LRP2: variants seen among roughly 807,000 people sequenced by gnomAD.
LRP2 encodes the protein low-density lipoprotein receptor-related protein 2.
Under a neutral mutation model 531.0 loss-of-function variants are expected in LRP2, and 172 were observed. The observed-to-expected ratio is 0.32, with a 90% CI of 0.29 to 0.37. The LOEUF is 0.37. Among genes scored for constraint, LRP2 ranks in the 10% least tolerant of loss-of-function variants. LRP2 has a pLI of 1.00. For missense variants in LRP2, 5,167 were observed against 5,868.3 expected (o/e 0.88, Z 3.90); for synonymous variants, 1,992 against 2,027.6 (o/e 0.98, Z 0.47).
chr2:169,147,993 G>A (rs1685979493), intron 68 of LRP2, among the ~76,000 whole-genome samples: 1 of 152,036 alleles, frequency 6.6e-6, no homozygotes, highest in Non-Finnish European at 1.5e-5. Context: ...TATGTCCTAT[G>A]GGCCATATTT....
At chr2:169,302,256 A>G (rs1202027612) in intron 4 of LRP2, among the ~76,000 whole-genome samples, 1 of 152,182 alleles carries the variant, frequency 6.6e-6, no homozygotes, top group Non-Finnish European at 1.5e-5. Flanking sequence ...AAAATAACTA[A>G]GTACTGCTAT....
chr2:169,358,443 C>A (rs1388091715), intron 1 of LRP2, among the ~76,000 whole-genome samples: 1 of 152,046 alleles, frequency 6.6e-6, no homozygotes, highest in Admixed American at 6.5e-5. Flanking sequence ...GAGACAGGTG[C>A]ATGACTGAAG....
chr2:169,274,678 G>A (rs1461916053), intron 14 of LRP2, among the ~76,000 whole-genome samples: 3 of 152,054 alleles, frequency 2.0e-5, no homozygotes, highest in African/African-American at 7.2e-5. Flanking sequence ...TTCCTTAACT[G>A]TAATATTAGA....
At chr2:169,172,563 CTA>C (rs1170152683) in intron 57 of LRP2, among the ~76,000 whole-genome samples, 2 of 152,200 alleles carry the variant, frequency 1.3e-5, no homozygotes, top group Non-Finnish European at 2.9e-5. Flanking sequence ...TCAAGTTAGA[CTA>C]TGACTAATCT....
chr2:169,202,526 A>AT (rs1427245181), intron 43 of LRP2, among the ~76,000 whole-genome samples: 6 of 152,204 alleles, frequency 3.9e-5, no homozygotes, highest in Non-Finnish European at 5.9e-5. Flanking sequence ...TCCCAGGTCT[A>AT]TACAGATTAC....
Position 169,307,326 on chromosome 2 carries a change from C to A in LRP2, c.382G>T (p.Asp128Tyr). ...CCATCGGGGCAGTCTCTGACGTGGT[C>A]GCACCTGTATTCACTTGGGATACAC... ...GQCIPSEYRC[D>Y]HVRDCPDGAD... The change falls in exon 4 of 79, where the codon GAC (aspartate) becomes TAC (tyrosine). Residue 128 changes from aspartate to tyrosine, a missense_variant. Asp to Tyr is a radical substitution (Grantham distance 160, BLOSUM62 -3). Coordinates refer to ENST00000649046, the MANE Select transcript of LRP2 (RefSeq NM_004525.3). 1 of 1,614,004 alleles carries A rather than the reference C, an allele frequency of 6.2e-7. No individual in the cohort carries two copies. The highest frequency in any genetic ancestry group is 8.5e-7 in the Non-Finnish European group (1 of 1,179,922).
At chr2:169,185,463 T>A (rs1559002362) in intron 50 of LRP2, 40 bp downstream of exon 50, 11 of 1,602,360 alleles carry the variant, frequency 6.9e-6, no homozygotes, top group South Asian at 4.4e-5. Flanking sequence ...TAGAATTTTT[T>A]AATTTTTAAC....
chr2:169,294,581 T>A lies in LRP2; in HGVS notation c.538+19A>T, dbSNP rs2105472858. ...ACCAGCTTCAGCACACAACTGCACA[T>A]CTTGTGCACAATACTTACTGCAGTT... On this transcript the variant is annotated intron_variant, in intron 5 of 78. Coordinates refer to ENST00000649046, the MANE Select transcript of LRP2 (RefSeq NM_004525.3). 5 of 1,536,252 alleles carry A rather than the reference T, an allele frequency of 3.3e-6. No homozygotes were observed.
intron 31 of LRP2, among the ~76,000 whole-genome samples, chr2:169,231,016 A>G (rs1415444719): frequency 2.0e-5 from 3 of 152,218 alleles, no homozygotes; most frequent in Admixed American, 1.3e-4. Flanking sequence ...CAATGGAGCC[A>G]GGTGCAGTGG....
chr2:169,294,721 A>T lies in LRP2; in HGVS notation c.428-11T>A. On this transcript the variant is annotated splice_polypyrimidine_tract_variant and intron_variant, in intron 4 of 78. Coordinates refer to ENST00000649046, the MANE Select transcript of LRP2 (RefSeq NM_004525.3). Reference sequence around the variant, plus strand: ...CACATGTTGGGTACTCTATTGTAAAAAAAAAAAAAAAAAAAAAAAGGAAAA... The same window carrying T: ...CACATGTTGGGTACTCTATTGTAAATAAAAAAAAAAAAAAAAAAAGGAAAA... 1.1e-5 allele frequency: 4 copies of T among 366,120 alleles called. No homozygotes were observed. The highest frequency in any genetic ancestry group is 1.3e-5 in the Non-Finnish European group (3 of 226,486). 22.7% of individuals were successfully genotyped at this position (366,120 alleles called of 1,614,324 possible).
In LRP2 at chr2:169,362,492, CT is replaced by C; in HGVS notation, c.-94del. ...GCAGCGCCTCTGCTAGCGAACGCTC[CT>C]TTAGGTCTGCACCTCCGCCAGCTCC... is the stretch of plus-strand genomic sequence containing the variant. On this transcript the variant is annotated 5_prime_UTR_variant, in exon 1 of 79. Transcript: ENST00000649046. The C allele has an allele frequency of 8.7e-7, 1 of 1,144,170 alleles. No individual in the cohort carries two copies. Among genetic ancestry groups the C allele is most frequent in the East Asian group, 2.6e-5 (1 of 38,968 alleles). 70.9% of individuals were successfully genotyped at this position (1,144,170 alleles called of 1,614,324 possible).
At chr2:169,142,029 G>A (rs1030078487) in intron 71 of LRP2, among the ~76,000 whole-genome samples, 2 of 152,172 alleles carry the variant, frequency 1.3e-5, no homozygotes, top group African/African-American at 4.8e-5. Flanking sequence ...CCAAGGATGT[G>A]AGCCATAAAA....
In LRP2 at chr2:169,150,936, C is replaced by T. The variant is rs1236951157; in HGVS notation, c.12552G>A (p.Leu4184=). The change falls in exon 68 of 79, where the codon CTG becomes CTA. Residue 4184 remains leucine (L), a synonymous_variant. Transcript: ENST00000649046. The part of the protein sequence containing the change: ...RYRKWLISTD[L]DQPAAIAVNP... Reference sequence around the variant, plus strand: ...TCACAGCAATAGCAGCTGGTTGGTCCAGGTCAGTGGAAATCAGCCACTTTC... The same window carrying T: ...TCACAGCAATAGCAGCTGGTTGGTCTAGGTCAGTGGAAATCAGCCACTTTC... 1 of 1,613,958 alleles carries T rather than the reference C, an allele frequency of 6.2e-7. No individual in the cohort carries two copies. Among genetic ancestry groups the T allele is most frequent in the African/African-American group, 1.3e-5 (1 of 74,914 alleles).
chr2:169,157,919 A>AATAG, intron 63 of LRP2, among the ~76,000 whole-genome samples: 1 of 114,778 alleles, frequency 8.7e-6, no homozygotes, highest in Non-Finnish European at 1.8e-5. Flanking sequence ...AACAGATAGA[A>AATAG]ATAAATAAAT....
intron 19 of LRP2, among the ~76,000 whole-genome samples, chr2:169,248,850 T>C (rs1235370871): frequency 4.9e-5 from 6 of 123,504 alleles, no homozygotes; most frequent in African/African-American, 1.0e-4. Context: ...GGAGTTCCCT[T>C]TCCGAGTCAA....
chr2:169,189,017 AC>A (rs1353682108), intron 48 of LRP2, among the ~76,000 whole-genome samples: 1 of 152,174 alleles, frequency 6.6e-6, no homozygotes, highest in Non-Finnish European at 1.5e-5. Flanking sequence ...TCGGGACCTA[AC>A]ATACACAGGC....
At chr2:169,260,619 T>C (rs1186992052) in intron 16 of LRP2, among the ~76,000 whole-genome samples, 1 of 152,044 alleles carries the variant, frequency 6.6e-6, no homozygotes, top group East Asian at 1.9e-4. Context: ...AGAACTTGCA[T>C]AGAGATTTTT....
chr2:169,130,253 A>G (rs1685235460), intron 77 of LRP2, among the ~76,000 whole-genome samples: 1 of 151,284 alleles, frequency 6.6e-6, no homozygotes, highest in African/African-American at 2.4e-5. Context: ...TCCTATGCAT[A>G]TCAATGTAAC....
In LRP2 at chr2:169,139,543, T is replaced by C. The variant is rs952438444; in HGVS notation, c.13267A>G (p.Thr4423Ala). 6.8e-6 allele frequency: 11 copies of C among 1,614,082 alleles called. No individual in the cohort carries two copies. The highest frequency in any genetic ancestry group is 5.3e-5 in the African/African-American group (4 of 74,940). The change falls in exon 73 of 79, where the codon ACC (threonine) becomes GCC (alanine). Residue 4423 changes from threonine to alanine, a missense_variant and splice_region_variant. Thr to Ala is a moderately conservative substitution (Grantham distance 58). Coordinates refer to ENST00000649046, the MANE Select transcript of LRP2 (RefSeq NM_004525.3). ...AFSKGISPGT[T>A]AVAVLLTILL... ...AGTTGCTCACATTCTTAAAACTTAC[T>C]TGTTCCTGGAGAGATGCCTTTTGAA...
Sources: gnomAD v4.1 joint callset for allele counts (sites outside exome capture counted in the v4.1 genomes callset) on GRCh38, gnomAD v4.1.1 for gene constraint, MANE v1.5 for transcripts, NCBI Gene and HGNC (gene_info 2026-07-23, HGNC 2026-07-21) for gene names.